Variants in CTSA observed in about 807,000 individuals in gnomAD.
The protein encoded by CTSA is cathepsin A.
CTSA carries 42 observed loss-of-function variants against 66.7 expected under a neutral mutation model. The ratio of observed to expected loss-of-function variants is 0.63; its 90% CI spans 0.49 to 0.81. The LOEUF is 0.81. Among genes scored for constraint, CTSA ranks in the 40% least tolerant of loss-of-function variants. CTSA has a pLI of 0.00. For missense variants in CTSA, 525 were observed against 610.9 expected, an observed-to-expected ratio of 0.86 and a Z score of 1.48; for synonymous variants, 225 against 248.6, an observed-to-expected ratio of 0.91 and a Z score of 0.89.
chr20:45,893,455 C>T, intron 7 of CTSA, 144 bp downstream of exon 7: 1 of 693,302 alleles, frequency 1.4e-6, no homozygotes, highest in Non-Finnish European at 2.7e-6. Flanking sequence ...TGCTGAAAGG[C>T]CAAAGAATAG....
intron 11 of CTSA, among the ~76,000 whole-genome samples, chr20:45,895,874 C>T (rs6104390): frequency 0.48 from 73,361 of 152,032 alleles, 18,540 homozygotes; most frequent in Non-Finnish European, 0.57. Context: ...CGAGGGTCCC[C>T]ACACCCGGCC....
chr20:45,896,632 T>G, intron 11 of CTSA: 1 of 337,500 alleles, frequency 3.0e-6, no homozygotes, highest in Admixed American at 4.1e-5. Context: ...AGAGACGGGG[T>G]TTCACCATGT....
Position 45,895,020 on chromosome 20 carries a change from G to A in CTSA, c.975G>A (p.Val325=), listed in dbSNP as rs1987171609. ...HQALLRSGDK[V]RMDPPCTNTT... is the part of the protein sequence containing the mutation. ...CACTGCTGCGCTCAGGGGATAAAGT[G>A]CGCATGGACCCCCCCTGCACCAACA... is the stretch of plus-strand genomic sequence containing the variant. Residue 325 remains valine (V), a synonymous_variant, in exon 11 of 15, where the codon GTG becomes GTA. Coordinates refer to ENST00000646241, the MANE Select transcript of CTSA (RefSeq NM_000308.4). The A allele has an allele frequency of 6.2e-7, 1 of 1,614,154 alleles. No individual in the cohort carries two copies. The highest frequency in any genetic ancestry group is 8.5e-7 in the Non-Finnish European group (1 of 1,180,022).
At chr20:45,897,328 A>G (rs1416922666) in intron 12 of CTSA, 5 of 527,590 alleles carry the variant, frequency 9.5e-6, no homozygotes, top group Non-Finnish European at 1.7e-5. Context: ...GGGTGGGAGG[A>G]GACCTTGCAC....
chr20:45,892,902 G>A (rs760097187), intron 6 of CTSA, 22 bp downstream of exon 6: 1 of 1,613,418 alleles, frequency 6.2e-7, no homozygotes, highest in Admixed American at 1.7e-5. Context: ...CTGCAGGAGG[G>A]AAGGGAGGTA....
rs1182689369 is a variant in CTSA, at chr20:45,891,816, A to G, written c.194+54A>G. On this transcript the variant is annotated intron_variant, in intron 2 of 14. Transcript: ENST00000646241. The surrounding 1 kb of genome is among the most constrained non-coding windows in gnomAD (Gnocchi z 4.6). ...TGGGAGAAGAGATGACGGATGAGGG[A>G]TGGGGGGTAGTTCTGCAGACCCCTG... 1.2e-6 allele frequency: 2 copies of G among 1,612,058 alleles called. No individual in the cohort carries two copies. Among genetic ancestry groups the G allele is most frequent in the Non-Finnish European group, 1.7e-6 (2 of 1,178,438 alleles).
At position 45,895,004 on chromosome 20, in the gene CTSA, G is replaced by C. The variant is rs199916179; in HGVS notation, c.959G>C (p.Arg320Pro). 6.2e-7 allele frequency: 1 copy of C among 1,614,018 alleles called. No individual in the cohort carries two copies. The highest frequency in any genetic ancestry group is 8.5e-7 in the Non-Finnish European group (1 of 1,180,012). The change falls in exon 11 of 15, where the codon CGC becomes CCC. Residue 320 changes from arginine (R) to proline (P), a missense_variant. Arg to Pro is a moderately radical substitution (Grantham distance 103, BLOSUM62 -2). This residue lies in a region of CTSA where 274 missense variants were observed against 321.1 expected (regional missense o/e 0.85). Transcript: ENST00000646241. ...GTCTGTGCCTTCCAGGCACTGCTGCGCTCAGGGGATAAAGTGCGCATGGAC... is the reference window on the plus strand; with the variant it reads ...GTCTGTGCCTTCCAGGCACTGCTGCCCTCAGGGGATAAAGTGCGCATGGAC... Reference protein sequence around the residue: ...LKRMWHQALLRSGDKVRMDPP... With the variant: ...LKRMWHQALLPSGDKVRMDPP...
chr20:45,896,050 C>T (rs1011931423), intron 11 of CTSA, among the ~76,000 whole-genome samples: 4 of 152,100 alleles, frequency 2.6e-5, no homozygotes, highest in Admixed American at 2.6e-4. Flanking sequence ...CAACAATTAG[C>T]CAGGTGTGCT....
intron 11 of CTSA, 136 bp from the exon 12 acceptor site, chr20:45,896,829 C>A (rs913031216): frequency 1.8e-5 from 14 of 778,006 alleles, no homozygotes; most frequent in South Asian, 1.8e-4. Flanking sequence ...GAGGTGGCCC[C>A]CCCCCAAAAA....
chr20:45,893,486 C>T (rs200696017), intron 7 of CTSA, 175 bp downstream of exon 7: 31 of 519,052 alleles, frequency 6.0e-5, no homozygotes, highest in Admixed American at 9.7e-5. Flanking sequence ...TTCTTTCTTT[C>T]TTTTTTTTTT....
intron 8 of CTSA, 191 bp downstream of exon 8, chr20:45,894,263 A>G (rs948001494): frequency 1.0e-4 from 67 of 665,614 alleles, no homozygotes; most frequent in Non-Finnish European, 1.7e-4. Context: ...GGCAAATCCC[A>G]TAACCTCCGT....
At position 45,896,949 on chromosome 20, in the gene CTSA, C is replaced by G. The variant is rs376512598; in HGVS notation, c.1089-16C>G. 3.3e-5 allele frequency: 54 copies of G among 1,611,992 alleles called. No individual in the cohort carries two copies. The African/African-American group carries it at 6.7e-4, about 20-fold the overall frequency. ...CGACCTGGTCTTCCTGGGGCCTGCT[C>G]GTATGTTCCCGGCAGCTTTCTGGTA... On this transcript the variant is annotated splice_polypyrimidine_tract_variant and intron_variant, in intron 11 of 14. Transcript: ENST00000646241.
intron 11 of CTSA, chr20:45,896,733 A>G: frequency 1.8e-6 from 1 of 553,926 alleles, no homozygotes; most frequent in Non-Finnish European, 3.3e-6. Flanking sequence ...CACCACGCCC[A>G]GCATCCCTGT....
At position 45,893,325 on chromosome 20, in the gene CTSA, C is replaced by T; in HGVS notation, c.692+14C>T. 1 of 1,595,246 alleles carries T rather than the reference C, an allele frequency of 6.3e-7. No homozygotes were observed. Among genetic ancestry groups the T allele is most frequent in the African/African-American group, 1.3e-5 (1 of 74,548 alleles). On this transcript the variant is annotated intron_variant, in intron 7 of 14. Transcript: ENST00000646241. ...TCTGGGGAACAGGTATGGGATAGGG[C>T]AGTTGGGCAATCTCTGGGGTGAGGC...
chr20:45,891,508 G>T lies in CTSA; in HGVS notation c.1-61G>T. Reference sequence around the variant, plus strand: ...GCGGAGGCGCCGCCAGCAACTCCCCGGGGGCTGCTGCACGGAAGCGCTGAG... The same window carrying T: ...GCGGAGGCGCCGCCAGCAACTCCCCTGGGGCTGCTGCACGGAAGCGCTGAG... On this transcript the variant is annotated intron_variant, in intron 1 of 14. Coordinates refer to ENST00000646241, the MANE Select transcript of CTSA (RefSeq NM_000308.4). This position sits in a 1 kb window ranked among gnomAD's most constrained non-coding sequence, Gnocchi z 4.6. The T allele has an allele frequency of 6.4e-7, 1 of 1,556,080 alleles. No individual in the cohort carries two copies. The highest frequency in any genetic ancestry group is 8.7e-7 in the Non-Finnish European group (1 of 1,152,796).
In CTSA at chr20:45,898,333, G is replaced by T. The variant is rs2083135522; in HGVS notation, c.1360-34G>T. ...GCAGTTATATGGGGAGGAGGGAATGGTGGGGTCAGGAGCTCACGAACATTG... is the reference window on the plus strand; with the variant it reads ...GCAGTTATATGGGGAGGAGGGAATGTTGGGGTCAGGAGCTCACGAACATTG... On this transcript the variant is annotated intron_variant, in intron 14 of 14. Coordinates refer to ENST00000646241, the MANE Select transcript of CTSA (RefSeq NM_000308.4). The surrounding 1 kb of genome is among the most constrained non-coding windows in gnomAD (Gnocchi z 4.6). 1 of 1,586,554 alleles carries T rather than the reference G, an allele frequency of 6.3e-7. No individual in the cohort carries two copies. The highest frequency in any genetic ancestry group is 1.3e-5 in the African/African-American group (1 of 74,268).
At chr20:45,895,459 C>T (rs762901157) in intron 11 of CTSA, among the ~76,000 whole-genome samples, 23 of 84,136 alleles carry the variant, frequency 2.7e-4, no homozygotes, top group Middle Eastern at 5.3e-3. Flanking sequence ...GGACTACAGA[C>T]GCACCACCAC....
In CTSA at chr20:45,898,491, C is replaced by G. The variant is rs781090547; in HGVS notation, c.*41C>G. On this transcript the variant is annotated 3_prime_UTR_variant, in exon 15 of 15. Transcript: ENST00000646241. The surrounding 1 kb of genome is among the most constrained non-coding windows in gnomAD (Gnocchi z 4.6). ...GCTCCACGGCCTGATGCAGCCCCTC[C>G]CAGCCTCTCCCGCTAGGAGAGTCCT... 1.9e-6 allele frequency: 3 copies of G among 1,581,572 alleles called. No individual in the cohort carries two copies. Among genetic ancestry groups the G allele is most frequent in the Non-Finnish European group, 2.6e-6 (3 of 1,151,992 alleles).
In CTSA at chr20:45,891,522, G is replaced by T; in HGVS notation, c.1-47G>T. ...AGCAACTCCCCGGGGGCTGCTGCAC[G>T]GAAGCGCTGAGGAGCGAGTCAACAG... On this transcript the variant is annotated intron_variant, in intron 1 of 14. Transcript: ENST00000646241. The surrounding 1 kb of genome is among the most constrained non-coding windows in gnomAD (Gnocchi z 4.6). 1 of 1,567,606 alleles carries T rather than the reference G, an allele frequency of 6.4e-7. No individual in the cohort carries two copies. The highest frequency in any genetic ancestry group is 8.6e-7 in the Non-Finnish European group (1 of 1,159,814).
Sources: gnomAD v4.1 joint callset for allele counts (sites outside exome capture counted in the v4.1 genomes callset) on GRCh38, gnomAD v4.1.1 for gene constraint, gnomAD v4.1.1 regional missense constraint, Gnocchi (gnomAD v3.1) non-coding constraint, MANE v1.5 for transcripts, NCBI Gene and HGNC (gene_info 2026-07-23, HGNC 2026-07-21) for gene names.